The following RNPEP variants were observed in gnomAD, a reference collection of about 807,000 sequenced individuals.
RNPEP encodes the protein arginyl aminopeptidase, also known as aminopeptidase B.
In RNPEP, 57 loss-of-function variants were observed where a neutral mutation model predicts 70.1. That is an observed-to-expected ratio of 0.81 (90% confidence interval 0.66 to 1.01). The LOEUF (loss-of-function observed/expected upper bound fraction) is 1.01, where lower values mean the gene tolerates loss of function less well. Among genes scored for constraint, RNPEP ranks in the 50% least tolerant of loss-of-function variants. The pLI is 0.00. For synonymous variants in RNPEP, 335 were observed against 357.4 expected (o/e 0.94, Z 0.71); for missense variants, 787 against 852.4 (o/e 0.92, Z 0.96).
chr1:201,989,649 G>A, intron 3 of RNPEP, 118 bp downstream of exon 3: 1 of 1,040,292 alleles, frequency 9.6e-7, no homozygotes. Context: ...TCTGAGTCCA[G>A]AGCCTTTCTG....
intron 10 of RNPEP, 124 bp from the exon 11 acceptor site, chr1:202,005,434 C>A: frequency 9.3e-7 from 1 of 1,070,836 alleles, no homozygotes; most frequent in Non-Finnish European, 1.4e-6. Context: ...CTCATTCCAG[C>A]TGTGATGCCC....
chr1:202,001,225 C>A (rs1372015290), intron 6 of RNPEP, 151 bp from the exon 7 acceptor site: 1 of 619,406 alleles, frequency 1.6e-6, no homozygotes, highest in Non-Finnish European at 2.9e-6. Context: ...GGAGAGAGGC[C>A]AGGATCTGGA....
chr1:201,983,918 T>C, intron 1 of RNPEP: 1 of 920,960 alleles, frequency 1.1e-6, no homozygotes, highest in Non-Finnish European at 1.3e-6. Flanking sequence ...AGTAAACTGC[T>C]TGCTTACAGT....
intron 3 of RNPEP, among the ~76,000 whole-genome samples, chr1:201,990,584 G>C (rs1383417245): frequency 1.3e-5 from 2 of 152,188 alleles, no homozygotes; most frequent in Admixed American, 6.5e-5. Context: ...CCTAGAGGCA[G>C]TGGTGTCCTT....
intron 1 of RNPEP, among the ~76,000 whole-genome samples, chr1:201,986,128 CT>C (rs1683123558): frequency 2.0e-5 from 3 of 152,184 alleles, no homozygotes; most frequent in Admixed American, 2.0e-4. Flanking sequence ...TGAGGTCTCA[CT>C]GTGTTATCCA....
Position 201,996,253 on chromosome 1 carries a change from G to A in RNPEP, c.844G>A (p.Val282Ile), listed in dbSNP as rs201378014. The A allele has an allele frequency of 6.2e-7, 1 of 1,607,532 alleles. No individual in the cohort carries two copies. The highest frequency in any genetic ancestry group is 2.2e-5 in the East Asian group (1 of 44,832). ...AGGAGAGAAGCTTTTTGGACCTTATGTTTGGGGAAGGTGTGGTATCACATT... is the reference window on the plus strand; with the variant it reads ...AGGAGAGAAGCTTTTTGGACCTTATATTTGGGGAAGGTGTGGTATCACATT... ...ATGEKLFGPY[V>I]WGRYDLLFMP... The change falls in exon 4 of 11, where the codon GTT becomes ATT. Residue 282 changes from valine (V) to isoleucine (I), a missense_variant. Physicochemically the swap from Val to Ile is conservative, Grantham distance 29. Transcript: ENST00000295640.
chr1:201,988,473 A>ACC (rs1558260083), intron 1 of RNPEP, among the ~76,000 whole-genome samples: 3 of 144,310 alleles, frequency 2.1e-5, no homozygotes, highest in Non-Finnish European at 3.0e-5. Flanking sequence ...AAAAAAAAAA[A>ACC]AAAAAAAAAA....
At position 202,003,413 on chromosome 1, in the gene RNPEP, C is replaced by CTGG; in HGVS notation, c.1605_1607dup (p.Val536dup). The CTGG allele has an allele frequency of 3.1e-6, 5 of 1,614,134 alleles. No homozygotes were observed. The highest frequency in any genetic ancestry group is 4.2e-6 in the Non-Finnish European group (5 of 1,179,992). On this transcript the variant is annotated inframe_insertion, in exon 9 of 11. Transcript: ENST00000295640. ...CATCTCTCCCTGGAAGACCTACCAGCTGGTCTACTTCCTGGATAAGATCCT... is the reference window on the plus strand; with the variant it reads ...CATCTCTCCCTGGAAGACCTACCAGCTGGTGGTCTACTTCCTGGATAAGATCCT...
rs749219973 is a variant in RNPEP at position 201,997,505 on chromosome 1, T to A, written c.1041T>A (p.Asn347Lys). Residue 347 changes from asparagine (N) to lysine (K), a missense_variant, in exon 5 of 11, where the codon AAT becomes AAA. Physicochemically the swap from Asn to Lys is moderately conservative, Grantham distance 94 (BLOSUM62 0). Transcript: ENST00000295640. ...TNANWGEFWL[N>K]EGFTMYAQRR... ...CCAACTGGGGTGAATTCTGGCTCAA[T>A]GAAGGTTTCACCATGTACGCCCAGA... 6.2e-7 allele frequency: 1 copy of A among 1,614,092 alleles called. No individual in the cohort carries two copies. The highest frequency in any genetic ancestry group is 1.3e-5 in the African/African-American group (1 of 75,030).
rs200892295 is a variant in RNPEP, at chr1:201,987,428, C to CTT, written c.448-1450_448-1449dup. Among the ~76,000 whole-genome samples, 342 of 111,902 alleles carry CTT rather than the reference C, an allele frequency of 3.1e-3. 11 individuals carry two copies. Among genetic ancestry groups the CTT allele is most frequent in the Middle Eastern group, 4.7e-3 (1 of 214 alleles). The allele number at this position is 111,902 out of a possible 152,430, so 73.4% of individuals were successfully genotyped here. A position where few individuals can be genotyped will look rare whatever the true frequency, so the allele number is the denominator to read the frequency against. On this transcript the variant is annotated intron_variant, in intron 1 of 10. Coordinates refer to ENST00000295640, the MANE Select transcript of RNPEP (RefSeq NM_020216.4). ...TTTGTGATAAATCATTCAGATTTTACTTTTTTTTTTTTTTTTTTTTTTTTT... is the reference window on the plus strand; with the variant it reads ...TTTGTGATAAATCATTCAGATTTTACTTTTTTTTTTTTTTTTTTTTTTTTTTT...
At chr1:201,985,191 TAAAA>T (rs57050499) in intron 1 of RNPEP, among the ~76,000 whole-genome samples, 2 of 142,094 alleles carry the variant, frequency 1.4e-5, no homozygotes, top group African/African-American at 2.6e-5. Flanking sequence ...AGGCTCCATC[TAAAA>T]AAAAAAAAAA....
chr1:201,996,445 G>T, intron 4 of RNPEP, 182 bp downstream of exon 4: 1 of 609,076 alleles, frequency 1.6e-6, no homozygotes. Flanking sequence ...CTGAGGAGAG[G>T]GCCTAGGAGA....
chr1:201,985,749 A>ATT (rs1421837247), intron 1 of RNPEP, among the ~76,000 whole-genome samples: 1 of 152,186 alleles, frequency 6.6e-6, no homozygotes, highest in Non-Finnish European at 1.5e-5. Context: ...TGTTATAATT[A>ATT]ATAAACCAGT....
chr1:202,005,547 G>T lies in RNPEP; in HGVS notation c.1795-11G>T. ...AAGCTTCTTAGGCATGTGTATGTGT[G>T]TTTCTTGCAGGGGAAGCAGAAGTAT... is the stretch of plus-strand genomic sequence containing the variant. On this transcript the variant is annotated splice_polypyrimidine_tract_variant and intron_variant, in intron 10 of 10. Transcript: ENST00000295640. 1 of 1,613,942 alleles carries T rather than the reference G, an allele frequency of 6.2e-7. No homozygotes were observed. Among genetic ancestry groups the T allele is most frequent in the Non-Finnish European group, 8.5e-7 (1 of 1,179,840 alleles).
intron 8 of RNPEP, among the ~76,000 whole-genome samples, chr1:202,002,952 T>C (rs1683889299): frequency 6.6e-6 from 1 of 152,128 alleles, no homozygotes; most frequent in South Asian, 2.1e-4. Context: ...TTGTGATCGG[T>C]AGGAGAATGT....
chr1:201,996,489 G>GTGTGTA, intron 4 of RNPEP: 2 of 399,268 alleles, frequency 5.0e-6, no homozygotes, highest in Admixed American at 4.0e-5. Flanking sequence ...GTGTGTGTGT[G>GTGTGTA]TGTGTGTGTG....
At chr1:201,989,109 C>G in intron 2 of RNPEP, 65 bp downstream of exon 2, 1 of 1,561,304 alleles carries the variant, frequency 6.4e-7, no homozygotes, top group Non-Finnish European at 8.7e-7. Flanking sequence ...ATCTATCAAT[C>G]AGGTCACGTT....
chr1:201,993,750 G>A (rs1409134760), intron 3 of RNPEP, among the ~76,000 whole-genome samples: 1 of 152,172 alleles, frequency 6.6e-6, no homozygotes, highest in African/African-American at 2.4e-5. Flanking sequence ...CTGCACTCCA[G>A]CCTGGGCAAC....
intron 3 of RNPEP, among the ~76,000 whole-genome samples, chr1:201,993,334 C>T (rs781613418): frequency 2.6e-5 from 4 of 152,162 alleles, no homozygotes; most frequent in African/African-American, 9.7e-5. Flanking sequence ...TGGTGGCTCA[C>T]GCTTGTAATC....
Sources: gnomAD v4.1 joint callset for allele counts (sites outside exome capture counted in the v4.1 genomes callset) on GRCh38, gnomAD v4.1.1 for gene constraint, MANE v1.5 for transcripts, NCBI Gene and HGNC (gene_info 2026-07-23, HGNC 2026-07-21) for gene names.